Variants in KNG1 observed in about 807,000 individuals in gnomAD.
KNG1 encodes kininogen-1.
Under a neutral mutation model 47.8 loss-of-function variants are expected in KNG1, and 23 were observed. That is an observed-to-expected ratio of 0.48 (90% confidence interval 0.35 to 0.68). KNG1 has a LOEUF of 0.68. Among genes scored for constraint, KNG1 ranks in the 30% least tolerant of loss-of-function variants. The pLI is 0.01. For missense variants in KNG1, 762 were observed against 790.2 expected, an observed-to-expected ratio of 0.96 and a Z score of 0.43; for synonymous variants, 277 against 277.0, an observed-to-expected ratio of 1.00 and a Z score of 0.00.
intron 9 of KNG1, 93 bp downstream of exon 9, chr3:186,739,507 T>C (rs372352571): frequency 8.6e-5 from 73 of 848,084 alleles, no homozygotes; most frequent in South Asian, 1.9e-4. Flanking sequence ...CTGAAATGAA[T>C]TGGGGAGCTA....
intron 4 of KNG1, among the ~76,000 whole-genome samples, chr3:186,726,866 C>A (rs1350900606): frequency 6.6e-6 from 1 of 152,136 alleles, no homozygotes; most frequent in African/African-American, 2.4e-5. Flanking sequence ...TCTAGAAGGG[C>A]ATTATTATTT....
intron 9 of KNG1, among the ~76,000 whole-genome samples, chr3:186,740,351 C>T (rs1267444564): frequency 6.6e-6 from 1 of 152,166 alleles, no homozygotes; most frequent in African/African-American, 2.4e-5. Context: ...TCGAGTCCTC[C>T]TTATAACTCT....
intron 3 of KNG1, 32 bp downstream of exon 3, chr3:186,722,553 T>G (rs1201250794): frequency 1.3e-6 from 2 of 1,510,776 alleles, no homozygotes; most frequent in Non-Finnish European, 1.8e-6. Context: ...ACTGCCCTGG[T>G]GGGAAATTAA....
intron 7 of KNG1, 129 bp downstream of exon 7, chr3:186,732,803 T>G: frequency 1.3e-6 from 1 of 792,286 alleles, no homozygotes; most frequent in South Asian, 1.4e-5. Context: ...TGCATTAGAT[T>G]TGGTAAATTA....
Position 186,742,380 on chromosome 3 carries a change from TC to T in KNG1, c.*52del. The T allele has an allele frequency of 6.2e-7, 1 of 1,607,188 alleles. No individual in the cohort carries two copies. Among genetic ancestry groups the T allele is most frequent in the Non-Finnish European group, 8.5e-7 (1 of 1,179,644 alleles). On this transcript the variant is annotated 3_prime_UTR_variant, in exon 10 of 10. Transcript: ENST00000644859. ...TTCATACTTTATTAAAGTATCAATA[TC>T]CCTCTCTCCATTGTCCAGATGAAAA...
At chr3:186,719,252 TA>T (rs1207295403) in intron 1 of KNG1, among the ~76,000 whole-genome samples, 2 of 152,114 alleles carry the variant, frequency 1.3e-5, no homozygotes, top group Non-Finnish European at 2.9e-5. Context: ...TTATGGCATG[TA>T]AATTATATCT....
At chr3:186,733,494 T>A (rs1488768168) in intron 7 of KNG1, among the ~76,000 whole-genome samples, 2 of 152,114 alleles carry the variant, frequency 1.3e-5, no homozygotes, top group Non-Finnish European at 2.9e-5. Context: ...ATGTACCCTC[T>A]GGGGATTCAT....
At chr3:186,740,891 T>C (rs1720792474) in intron 9 of KNG1, among the ~76,000 whole-genome samples, 1 of 152,126 alleles carries the variant, frequency 6.6e-6, no homozygotes, top group African/African-American at 2.4e-5. Context: ...CCCTAGAGAT[T>C]AGCTAGTTCA....
intron 1 of KNG1, chr3:186,718,034 TCGCCACCATCACCCACCACCATCACCC>T: frequency 2.6e-5 from 3 of 114,372 alleles, no homozygotes; most frequent in Non-Finnish European, 4.9e-5. Flanking sequence ...CCACCACCAC[TCGCCACCATCACCCACCACCATCACCC>T]ACCACCCACC....
chr3:186,732,517 A>G lies in KNG1; in HGVS notation c.773A>G (p.Gln258Arg), dbSNP rs764177144. ...ATCCTTTCAGGGAAGGATTTTGTACAACCACCTACCAAGATTTGCGTGGGC... is the reference window on the plus strand; with the variant it reads ...ATCCTTTCAGGGAAGGATTTTGTACGACCACCTACCAAGATTTGCGTGGGC... ...CDIYPGKDFV[Q>R]PPTKICVGCP... Residue 258 changes from glutamine (Q) to arginine (R), a missense_variant, in exon 7 of 10, where the codon CAA becomes CGA. Gln to Arg is a conservative substitution (Grantham distance 43, BLOSUM62 1). Coordinates refer to ENST00000644859, the MANE Select transcript of KNG1 (RefSeq NM_001102416.3). 1 of 1,614,174 alleles carries G rather than the reference A, an allele frequency of 6.2e-7. No homozygotes were observed. The highest frequency in any genetic ancestry group is 1.1e-5 in the South Asian group (1 of 91,084).
At chr3:186,738,935 A>G in intron 7 of KNG1, 164 bp from the exon 8 acceptor site, 1 of 636,528 alleles carries the variant, frequency 1.6e-6, no homozygotes, top group Non-Finnish European at 2.8e-6. Context: ...CAAATATTTT[A>G]AATATGCATG....
At chr3:186,722,770 C>T (rs5029999) in intron 3 of KNG1, among the ~76,000 whole-genome samples, 28,597 of 152,132 alleles carry the variant, frequency 0.19, 2,887 homozygotes, top group South Asian at 0.31. Context: ...AAGGGCTCAA[C>T]AGAAGGACCA....
chr3:186,725,645 G>T (rs266726), intron 4 of KNG1, among the ~76,000 whole-genome samples: 78,394 of 146,802 alleles, frequency 0.53, 21,021 homozygotes, highest in Middle Eastern at 0.62. Flanking sequence ...CCTGGGTTCA[G>T]GCCATTCTCC....
chr3:186,727,665 A>G (rs565767574), intron 5 of KNG1, among the ~76,000 whole-genome samples: 1 of 152,060 alleles, frequency 6.6e-6, no homozygotes, highest in Admixed American at 6.6e-5. Flanking sequence ...TCCACCTCGC[A>G]TGTTCAAGCT....
At chr3:186,739,779 C>T (rs969399015) in intron 9 of KNG1, among the ~76,000 whole-genome samples, 1 of 152,118 alleles carries the variant, frequency 6.6e-6, no homozygotes, top group Non-Finnish European at 1.5e-5. Flanking sequence ...TGGCTGGGCG[C>T]GGTGGCTCAC....
intron 6 of KNG1, among the ~76,000 whole-genome samples, chr3:186,732,188 C>G (rs1291176908): frequency 6.6e-6 from 1 of 152,180 alleles, no homozygotes; most frequent in Non-Finnish European, 1.5e-5. Context: ...TCATGAGAGT[C>G]ACTCCTTTAA....
At position 186,732,511 on chromosome 3, in the gene KNG1, T is replaced by C. The variant is rs1392900566; in HGVS notation, c.767T>C (p.Phe256Ser). The C allele has an allele frequency of 6.2e-7, 1 of 1,614,026 alleles. No individual in the cohort carries two copies. The highest frequency in any genetic ancestry group is 2.2e-5 in the East Asian group (1 of 44,894). Residue 256 changes from phenylalanine (F) to serine (S), a missense_variant, in exon 7 of 10, where the codon TTT becomes TCT. Coordinates refer to ENST00000644859, the MANE Select transcript of KNG1 (RefSeq NM_001102416.3). ...AACCTGATCCTTTCAGGGAAGGATT[T>C]TGTACAACCACCTACCAAGATTTGC... ...QNCDIYPGKD[F>S]VQPPTKICVG...
intron 5 of KNG1, among the ~76,000 whole-genome samples, chr3:186,729,647 T>A (rs1338366099): frequency 3.3e-5 from 5 of 151,728 alleles, no homozygotes; most frequent in Non-Finnish European, 7.4e-5. Context: ...CAGAGACTAT[T>A]GGAGTTGCTA....
At chr3:186,727,032 GTGTGTGTGTT>G (rs976570770) in intron 4 of KNG1, among the ~76,000 whole-genome samples, 195 bp from the exon 5 acceptor site, 5 of 151,442 alleles carry the variant, frequency 3.3e-5, no homozygotes, top group African/African-American at 1.2e-4. Context: ...GTGTGTGTGT[GTGTGTGTGTT>G]TGTGTGAGAG....
Sources: allele counts gnomAD v4.1 joint callset (sites outside exome capture counted in the v4.1 genomes callset), GRCh38; gene constraint gnomAD v4.1.1; transcripts MANE v1.5; gene names NCBI Gene and HGNC (gene_info 2026-07-23, HGNC 2026-07-21).